The following NXPE2 variants were observed in gnomAD, a reference collection of about 807,000 sequenced individuals.
NXPE2 encodes NXPE family member 2.
Under a neutral mutation model 34.4 loss-of-function variants are expected in NXPE2, and 34 were observed. The ratio of observed to expected loss-of-function variants is 0.99; its 90% CI spans 0.75 to 1.31. NXPE2 has a LOEUF of 1.31. Among genes scored for constraint, NXPE2 ranks in the 40% most tolerant of loss-of-function variants. The pLI is 0.00. For missense variants in NXPE2, 649 were observed against 672.5 expected (o/e 0.97, Z 0.39); for synonymous variants, 235 against 231.3 (o/e 1.02, Z -0.15).
At chr11:114,649,803 TATTTACCAACC>T in the NXPE2 span, among the ~76,000 whole-genome samples, 1 of 152,218 alleles carries the variant, frequency 6.6e-6, no homozygotes, top group East Asian at 1.9e-4. Flanking sequence ...TTTGGGCTAA[TATTTACCAACC>T]ATTTCCCATG....
chr11:114,810,661 T>G, the NXPE2 span, among the ~76,000 whole-genome samples: 13 of 151,926 alleles, frequency 8.6e-5, no homozygotes, highest in African/African-American at 2.9e-4. Flanking sequence ...CCAGTTAGAA[T>G]GGCGATCATT....
the NXPE2 span, among the ~76,000 whole-genome samples, chr11:114,624,401 C>T: frequency 2.6e-5 from 4 of 152,056 alleles, no homozygotes; most frequent in African/African-American, 9.7e-5. Flanking sequence ...AGTATTGCCT[C>T]ATTGGTAACC....
chr11:114,507,425 GACA>G, the NXPE2 span, among the ~76,000 whole-genome samples: 1 of 151,866 alleles, frequency 6.6e-6, no homozygotes, highest in Non-Finnish European at 1.5e-5. Context: ...CTGGTAGAGA[GACA>G]ACAACAATAA....
the NXPE2 span, among the ~76,000 whole-genome samples, chr11:114,809,886 A>C: frequency 3.9e-3 from 545 of 139,384 alleles, 4 homozygotes; most frequent in African/African-American, 0.014. Flanking sequence ...TCGCCAAGTC[A>C]ATCCTAAGCC....
the NXPE2 span, among the ~76,000 whole-genome samples, chr11:114,628,127 C>A: frequency 6.9e-6 from 1 of 145,440 alleles, no homozygotes; most frequent in Non-Finnish European, 1.5e-5. Context: ...AGAAAGTCAA[C>A]AACGATACCC....
the NXPE2 span, chr11:114,527,805 T>C: frequency 8.0e-6 from 12 of 1,505,136 alleles, no homozygotes; most frequent in South Asian, 1.5e-4. Flanking sequence ...AAGTTTCCTC[T>C]GAGCATCACC....
At chr11:114,569,794 T>C in the NXPE2 span, among the ~76,000 whole-genome samples, 1 of 152,116 alleles carries the variant, frequency 6.6e-6, no homozygotes, top group Non-Finnish European at 1.5e-5. Context: ...GTAGTAGTAA[T>C]AGATATTTTA....
the NXPE2 span, among the ~76,000 whole-genome samples, chr11:114,663,614 T>TATC: frequency 6.4e-4 from 63 of 98,366 alleles, no homozygotes; most frequent in Non-Finnish European, 1.1e-3. Context: ...TCTATCTATC[T>TATC]ATCTATCTAT....
chr11:114,634,756 C>T, the NXPE2 span, among the ~76,000 whole-genome samples: 5 of 152,060 alleles, frequency 3.3e-5, no homozygotes, highest in African/African-American at 1.2e-4. Context: ...TCAGGTTTCT[C>T]AAAGATCAGA....
At chr11:114,758,192 T>C in the NXPE2 span, among the ~76,000 whole-genome samples, 15 of 152,182 alleles carry the variant, frequency 9.9e-5, no homozygotes, top group African/African-American at 3.4e-4. Context: ...CTGTCCCATT[T>C]CCTAGGTGAA....
the NXPE2 span, among the ~76,000 whole-genome samples, chr11:114,517,185 A>G: frequency 6.6e-6 from 1 of 152,144 alleles, no homozygotes; most frequent in East Asian, 1.9e-4. Context: ...TTCTCAGTAT[A>G]TATCATTAGC....
At chr11:114,748,770 T>G in the NXPE2 span, among the ~76,000 whole-genome samples, 2 of 152,318 alleles carry the variant, frequency 1.3e-5, no homozygotes, top group South Asian at 2.1e-4. Flanking sequence ...AAAGTCATTC[T>G]TTTTCCATTT....
chr11:114,801,470 T>C, the NXPE2 span, among the ~76,000 whole-genome samples: 1 of 152,202 alleles, frequency 6.6e-6, no homozygotes, highest in Non-Finnish European at 1.5e-5. Context: ...TTGTAGACCA[T>C]GATAAGAAGC....
chr11:114,687,307 G>A (rs1048764267), intron 2 of NXPE2, among the ~76,000 whole-genome samples: 2 of 151,916 alleles, frequency 1.3e-5, no homozygotes, highest in African/African-American at 2.4e-5. Context: ...AGAGGCGGGG[G>A]TCCAGTTTTA....
At chr11:114,550,982 G>C in the NXPE2 span, 2 of 612,432 alleles carry the variant, frequency 3.3e-6, no homozygotes, top group South Asian at 2.0e-5. Context: ...AGAGAGAGAA[G>C]ATAGGGCAGT....
chr11:114,765,133 C>T, the NXPE2 span, among the ~76,000 whole-genome samples: 1 of 152,154 alleles, frequency 6.6e-6, no homozygotes, highest in Admixed American at 6.5e-5. Flanking sequence ...CTCCTAATTT[C>T]CTCTCTTCCT....
At chr11:114,717,969 G>T in the NXPE2 span, among the ~76,000 whole-genome samples, 1 of 152,170 alleles carries the variant, frequency 6.6e-6, no homozygotes, top group African/African-American at 2.4e-5. Flanking sequence ...TGTCTATCAC[G>T]GGAGAATGTC....
At chr11:114,614,916 G>C in the NXPE2 span, among the ~76,000 whole-genome samples, 2 of 151,872 alleles carry the variant, frequency 1.3e-5, no homozygotes, top group Non-Finnish European at 2.9e-5. Flanking sequence ...CTGTTACCCA[G>C]TGGATAATGA....
the NXPE2 span, chr11:114,530,406 T>C: frequency 1.2e-6 from 2 of 1,614,240 alleles, no homozygotes; most frequent in Non-Finnish European, 1.7e-6. Flanking sequence ...AATAATTTTA[T>C]CATAGCCTTG....
Sources: gnomAD v4.1 joint callset for allele counts (sites outside exome capture counted in the v4.1 genomes callset) on GRCh38, gnomAD v4.1.1 for gene constraint, MANE v1.5 for transcripts, NCBI Gene and HGNC (gene_info 2026-07-23, HGNC 2026-07-21) for gene names.